STK33: variants seen among roughly 807,000 people sequenced by gnomAD.
STK33 encodes the protein serine/threonine-protein kinase 33.
Under a neutral mutation model 58.0 loss-of-function variants are expected in STK33, and 52 were observed. The observed-to-expected ratio is 0.90, with a 90% confidence interval of 0.72 to 1.13. The LOEUF (loss-of-function observed/expected upper bound fraction) is 1.13. Ranked by LOEUF, STK33 falls within the 50% of genes most tolerant of loss-of-function variation. STK33 has a pLI of 0.00. For synonymous variants in STK33, 215 were observed against 200.1 expected, an observed-to-expected ratio of 1.07 and a Z score of -0.63; for missense variants, 630 against 604.2, an observed-to-expected ratio of 1.04 and a Z score of -0.45.
rs780936017 is a variant in STK33, at chr11:8,391,881, ATC to A, written c.*627_*628del. Reference sequence around the variant, plus strand: ...CATAAAAATTAATGTGCTGAGTAACATCTGTTTTTTATTGATTTAATCAATAC... The same window carrying A: ...CATAAAAATTAATGTGCTGAGTAACATGTTTTTTATTGATTTAATCAATAC... On this transcript the variant is annotated 3_prime_UTR_variant, in exon 16 of 16. Coordinates refer to ENST00000687296, the MANE Select transcript of STK33 (RefSeq NM_001352389.2). 9 of 153,016 alleles carry A rather than the reference ATC, an allele frequency of 5.9e-5. No individual in the cohort carries two copies. Among genetic ancestry groups the A allele is most frequent in the Non-Finnish European group, 1.5e-5 (1 of 68,362 alleles). The allele number at this position is 153,016 out of a possible 1,614,324, so 9.5% of individuals were successfully genotyped here. A position where few individuals can be genotyped will look rare whatever the true frequency, so the allele number is the denominator to read the frequency against.
chr11:8,408,445 T>C (rs61880265), intron 15 of STK33, among the ~76,000 whole-genome samples: 3,779 of 152,330 alleles, frequency 0.025, 66 homozygotes, highest in East Asian at 0.046. Context: ...CTAAGCCTTA[T>C]ACAAAAAGCT....
intron 1 of STK33, among the ~76,000 whole-genome samples, chr11:8,547,870 G>A (rs1328801185): frequency 1.3e-5 from 2 of 151,984 alleles, no homozygotes; most frequent in African/African-American, 2.4e-5. Context: ...TAGGGACATA[G>A]ATGAAGCTGG....
At chr11:8,398,497 A>C (rs1232360617) in intron 15 of STK33, among the ~76,000 whole-genome samples, 1 of 152,236 alleles carries the variant, frequency 6.6e-6, no homozygotes, top group Non-Finnish European at 1.5e-5. Flanking sequence ...GTTCCAGCCA[A>C]TGCAAAAACA....
At chr11:8,360,234 C>T in the STK33 span, among the ~76,000 whole-genome samples, 1 of 152,332 alleles carries the variant, frequency 6.6e-6, no homozygotes, top group East Asian at 1.9e-4. Context: ...TGCAGGTTGG[C>T]TGGGTGACTC....
At chr11:8,518,906 C>T (rs1953090050) in intron 1 of STK33, among the ~76,000 whole-genome samples, 1 of 152,144 alleles carries the variant, frequency 6.6e-6, no homozygotes, top group South Asian at 2.1e-4. Context: ...ACTTTAACAC[C>T]CCACTGTCAA....
chr11:8,375,284 T>G, the STK33 span, among the ~76,000 whole-genome samples: 1 of 152,236 alleles, frequency 6.6e-6, no homozygotes, highest in Non-Finnish European at 1.5e-5. Context: ...CCAATGTACA[T>G]CTTTCTAACA....
At chr11:8,552,394 C>T (rs1277161826) in intron 1 of STK33, among the ~76,000 whole-genome samples, 3 of 152,150 alleles carry the variant, frequency 2.0e-5, no homozygotes, top group Admixed American at 2.0e-4. Flanking sequence ...TATTCTGCTG[C>T]TTGGCTGACA....
intron 1 of STK33, among the ~76,000 whole-genome samples, chr11:8,563,053 A>G (rs1266687767): frequency 6.6e-6 from 1 of 152,150 alleles, no homozygotes; most frequent in Non-Finnish European, 1.5e-5. Flanking sequence ...GAGAGGCAAA[A>G]GTCTCCTTGA....
At chr11:8,573,554 C>T (rs1430218845) in intron 1 of STK33, among the ~76,000 whole-genome samples, 1 of 152,212 alleles carries the variant, frequency 6.6e-6, no homozygotes, top group African/African-American at 2.4e-5. Context: ...TGACTTATTA[C>T]ATGACCCAGT....
chr11:8,422,718 G>A lies in STK33; in HGVS notation c.1147-9026C>T, dbSNP rs118078745. 3.9e-4 allele frequency among the ~76,000 whole-genome samples: 60 copies of A among 152,058 alleles called. No homozygotes were observed. The East Asian group carries it at 0.01, about 25-fold the overall frequency. On this transcript the variant is annotated intron_variant, in intron 14 of 15. Coordinates refer to ENST00000687296, the MANE Select transcript of STK33 (RefSeq NM_001352389.2). ...TTTCATTTTGACTGAGTTTGCAGACGTATTTGCATACACCTAGTAGTATTA... is the reference window on the plus strand; with the variant it reads ...TTTCATTTTGACTGAGTTTGCAGACATATTTGCATACACCTAGTAGTATTA...
At chr11:8,502,558 T>C (rs1321733976) in intron 1 of STK33, among the ~76,000 whole-genome samples, 1 of 152,040 alleles carries the variant, frequency 6.6e-6, no homozygotes, top group Non-Finnish European at 1.5e-5. Context: ...TACCATTCTA[T>C]ACATAGGAAC....
chr11:8,458,955 G>C (rs1947201776), intron 8 of STK33, among the ~76,000 whole-genome samples: 1 of 152,084 alleles, frequency 6.6e-6, no homozygotes, highest in African/African-American at 2.4e-5. Flanking sequence ...TGAATCTCAG[G>C]CAGTTTTAGA....
Position 8,436,015 on chromosome 11 carries a change from A to G in STK33, c.1060+12T>C, listed in dbSNP as rs757143439. On this transcript the variant is annotated intron_variant, in intron 13 of 15. Transcript: ENST00000687296. ...TATTAGCTTTAGTAAATAATAACGCATCTATACTTACCACAGTCACTTATG... is the reference window on the plus strand; with the variant it reads ...TATTAGCTTTAGTAAATAATAACGCGTCTATACTTACCACAGTCACTTATG... 8 of 1,501,324 alleles carry G rather than the reference A, an allele frequency of 5.3e-6. No homozygotes were observed. The East Asian group carries it at 9.2e-5, about 17-fold the overall frequency. The allele number at this position is 1,501,324 out of a possible 1,614,324, so 93.0% of individuals were successfully genotyped here. A position where few individuals can be genotyped will look rare whatever the true frequency, so the allele number is the denominator to read the frequency against.
At chr11:8,389,085 A>C (rs1298838996), downstream of STK33, among the ~76,000 whole-genome samples, 1 of 149,886 alleles carries the variant, frequency 6.7e-6, no homozygotes, top group Non-Finnish European at 1.5e-5. Context: ...TGGTAAACTT[A>C]AATGCGGAAG....
At chr11:8,474,583 T>C in intron 5 of STK33, 98 bp downstream of exon 5, 1 of 840,004 alleles carries the variant, frequency 1.2e-6, no homozygotes, top group Non-Finnish European at 1.8e-6. Flanking sequence ...AGGCAATGAA[T>C]TAGCTAACAA....
chr11:8,499,671 C>T (rs1951355536), intron 1 of STK33, among the ~76,000 whole-genome samples: 1 of 152,092 alleles, frequency 6.6e-6, no homozygotes, highest in South Asian at 2.1e-4. Context: ...GGAACCAAGC[C>T]AAATATCCAT....
chr11:8,550,649 G>A (rs1591750615), intron 1 of STK33, among the ~76,000 whole-genome samples: 1 of 152,132 alleles, frequency 6.6e-6, no homozygotes, highest in East Asian at 1.9e-4. Context: ...AAATGCCACT[G>A]GCTCTTTTCT....
intron 1 of STK33, among the ~76,000 whole-genome samples, chr11:8,589,618 G>A (rs2032277106): frequency 1.3e-5 from 2 of 152,046 alleles, no homozygotes; most frequent in African/African-American, 4.8e-5. Context: ...TAACTAGTGT[G>A]CACTTTAAAA....
intron 1 of STK33, among the ~76,000 whole-genome samples, chr11:8,578,874 T>C (rs1270769341): frequency 6.6e-6 from 1 of 151,996 alleles, no homozygotes; most frequent in African/African-American, 2.4e-5. Flanking sequence ...CAGTGGTGTG[T>C]AACCTTAGGC....
Sources: gnomAD v4.1 joint callset for allele counts (sites outside exome capture counted in the v4.1 genomes callset) on GRCh38, gnomAD v4.1.1 for gene constraint, MANE v1.5 for transcripts, NCBI Gene and HGNC (gene_info 2026-07-23, HGNC 2026-07-21) for gene names.